The following KCNK5 variants were observed in gnomAD, a reference collection of about 807,000 sequenced individuals.
KCNK5 encodes potassium two pore domain channel subfamily K member 5.
KCNK5 carries 18 observed loss-of-function variants against 32.9 expected under a neutral mutation model. The ratio of observed to expected loss-of-function variants is 0.55; its 90% CI spans 0.38 to 0.81. The LOEUF (loss-of-function observed/expected upper bound fraction) is 0.81, where lower values mean the gene tolerates loss of function less well. Among genes scored for constraint, KCNK5 ranks in the 30% least tolerant of loss-of-function variants. The pLI is 0.00. For missense variants in KCNK5, 507 were observed against 651.0 expected (o/e 0.78, Z 2.41); for synonymous variants, 276 against 275.3 (o/e 1.00, Z -0.03).
In KCNK5 at chr6:39,229,012, C is replaced by G; in HGVS notation, c.100G>C (p.Ala34Pro). The G allele has an allele frequency of 6.2e-7, 1 of 1,614,176 alleles. No individual in the cohort carries two copies. Among genetic ancestry groups the G allele is most frequent in the South Asian group, 1.1e-5 (1 of 91,084 alleles). The change falls in exon 1 of 5, where the codon GCC becomes CCC. Residue 34 changes from alanine to proline, a missense_variant. Around this residue, in one of 6 missense-constraint regions of KCNK5, gnomAD observed 143 missense variants for 219.1 expected, o/e 0.65. Coordinates refer to ENST00000359534, the MANE Select transcript of KCNK5 (RefSeq NM_003740.4). ...EVLEEPHWKE[A>P]KKNYYTQKLH... The stretch of plus-strand genomic sequence containing the variant: ...TTCTGTGTGTAGTAGTTTTTCTTGG[C>G]CTCCTTCCAGTGTGGCTCCTCCAGC...
Position 39,229,239 on chromosome 6 carries a change from A to G in KCNK5, c.-128T>C, listed in dbSNP as rs1227363230. 8.6e-6 allele frequency: 8 copies of G among 931,390 alleles called. No homozygotes were observed. Among genetic ancestry groups the G allele is most frequent in the Non-Finnish European group, 1.3e-5 (8 of 632,184 alleles). 57.7% of individuals were successfully genotyped at this position (931,390 alleles called of 1,614,324 possible). A position where few individuals can be genotyped will look rare whatever the true frequency, so the allele number is the denominator to read the frequency against. ...TCCGCATGCGCAGTGCCCGGTACTC[A>G]CCCCCCGCAAGCACCGCTCCCCGGA... On this transcript the variant is annotated 5_prime_UTR_variant, in exon 1 of 5. Coordinates refer to ENST00000359534, the MANE Select transcript of KCNK5 (RefSeq NM_003740.4).
At chr6:39,198,296 A>G (rs1009333591) in intron 1 of KCNK5, among the ~76,000 whole-genome samples, 21 of 152,196 alleles carry the variant, frequency 1.4e-4, no homozygotes, top group African/African-American at 5.1e-4. Flanking sequence ...ATCATTATCA[A>G]CCCAGACTGA....
chr6:39,194,360 G>A lies in KCNK5; in HGVS notation c.466-23C>T. ...CCGCTGATGGGGAGCAGGAGGCCAA[G>A]TCAGAGAATAGTGGAGACTTGGAAA... On this transcript the variant is annotated intron_variant, in intron 3 of 4. Coordinates refer to ENST00000359534, the MANE Select transcript of KCNK5 (RefSeq NM_003740.4). The surrounding 1 kb of genome is among the most constrained non-coding windows in gnomAD (Gnocchi z 4.7). The A allele has an allele frequency of 6.3e-7, 1 of 1,583,024 alleles. No individual in the cohort carries two copies. Among genetic ancestry groups the A allele is most frequent in the Non-Finnish European group, 8.6e-7 (1 of 1,163,756 alleles).
Position 39,194,302 on chromosome 6 carries a change from G to T in KCNK5, c.501C>A (p.Ile167=). The T allele has an allele frequency of 6.2e-7, 1 of 1,613,392 alleles. No individual in the cohort carries two copies. The highest frequency in any genetic ancestry group is 8.5e-7 in the Non-Finnish European group (1 of 1,179,574). ...CCAGGTGGACTAGGACGCCCCACACGATGAAGATGACTGTGCACGTGATCT... is the reference window on the plus strand; with the variant it reads ...CCAGGTGGACTAGGACGCCCCACACTATGAAGATGACTGTGCACGTGATCT... The part of the protein sequence containing the change: ...KAQITCTVIF[I]VWGVLVHLVI... Residue 167 remains isoleucine (I), a synonymous_variant, in exon 4 of 5, where the codon ATC becomes ATA. Coordinates refer to ENST00000359534, the MANE Select transcript of KCNK5 (RefSeq NM_003740.4). This position sits in a 1 kb window ranked among gnomAD's most constrained non-coding sequence, Gnocchi z 4.7.
rs566603250 is a variant in KCNK5, at chr6:39,200,342, G to A, written c.187-4355C>T. Among the ~76,000 whole-genome samples the A allele has an allele frequency of 7.2e-5, 11 of 152,270 alleles. No homozygotes were observed. In the South Asian group the frequency reaches 1.5e-3, roughly 20 times the overall value. The stretch of plus-strand genomic sequence containing the variant: ...AGTAGAGTTCCCTGTCTCCATCACC[G>A]TCACCATAAAGCAGCTGTGATTTAC... On this transcript the variant is annotated intron_variant, in intron 1 of 4. Coordinates refer to ENST00000359534, the MANE Select transcript of KCNK5 (RefSeq NM_003740.4).
At position 39,195,769 on chromosome 6, in the gene KCNK5, T is replaced by C. The variant is rs779721078; in HGVS notation, c.298+107A>G. The C allele has an allele frequency of 1.2e-5, 8 of 690,620 alleles. No homozygotes were observed. In the East Asian group the frequency reaches 2.1e-4, roughly 18 times the overall value. 42.8% of individuals were successfully genotyped at this position (690,620 alleles called of 1,614,324 possible). A position where few individuals can be genotyped will look rare whatever the true frequency, so the allele number is the denominator to read the frequency against. The stretch of plus-strand genomic sequence containing the variant: ...TATCAAAAGAATAGCCTGCAACTGA[T>C]CTGATTGTACCCCCAACAGGGCTGA... On this transcript the variant is annotated intron_variant, in intron 2 of 4. Transcript: ENST00000359534.
At chr6:39,225,071 C>T (rs1771627027) in intron 1 of KCNK5, among the ~76,000 whole-genome samples, 1 of 152,000 alleles carries the variant, frequency 6.6e-6, no homozygotes. Flanking sequence ...CCTCCCTGAC[C>T]CCTCAGGCTG....
intron 1 of KCNK5, among the ~76,000 whole-genome samples, chr6:39,197,743 A>G (rs953836416): frequency 6.6e-6 from 1 of 152,242 alleles, no homozygotes; most frequent in Non-Finnish European, 1.5e-5. Flanking sequence ...CTCCTTTGGC[A>G]TCTACCTTTG....
chr6:39,216,549 G>A (rs2561398), intron 1 of KCNK5, among the ~76,000 whole-genome samples: 150,850 of 152,300 alleles, frequency 0.99, 74,727 homozygotes, highest in Middle Eastern at 1. Flanking sequence ...CTCTACTGCA[G>A]CTGCAGAGCT....
At chr6:39,206,566 C>T (rs752815311) in intron 1 of KCNK5, among the ~76,000 whole-genome samples, 17 of 152,192 alleles carry the variant, frequency 1.1e-4, no homozygotes, top group Non-Finnish European at 2.4e-4. Flanking sequence ...CGCCCAGCTG[C>T]CCCTCGCGTG....
chr6:39,194,286 C>T lies in KCNK5; in HGVS notation c.517G>A (p.Val173Ile). 6.2e-7 allele frequency: 1 copy of T among 1,613,942 alleles called. No homozygotes were observed. The highest frequency in any genetic ancestry group is 8.5e-7 in the Non-Finnish European group (1 of 1,179,926). Residue 173 changes from valine to isoleucine, a missense_variant, in exon 4 of 5, where the codon GTC becomes ATC. This residue lies in a region of KCNK5 where 22 missense variants were observed against 19.8 expected (regional missense o/e 1.11). Coordinates refer to ENST00000359534, the MANE Select transcript of KCNK5 (RefSeq NM_003740.4). The surrounding 1 kb of genome is among the most constrained non-coding windows in gnomAD (Gnocchi z 4.7). Reference sequence around the variant, plus strand: ...ACGAAGGGTGGGATCACCAGGTGGACTAGGACGCCCCACACGATGAAGATG... The same window carrying T: ...ACGAAGGGTGGGATCACCAGGTGGATTAGGACGCCCCACACGATGAAGATG... The part of the protein sequence containing the change: ...TVIFIVWGVL[V>I]HLVIPPFVFM...
At chr6:39,200,220 A>G (rs756076867) in intron 1 of KCNK5, among the ~76,000 whole-genome samples, 17 of 152,308 alleles carry the variant, frequency 1.1e-4, no homozygotes, top group South Asian at 8.3e-4. Flanking sequence ...TCCCAAATTC[A>G]CACGAGACAA....
intron 1 of KCNK5, among the ~76,000 whole-genome samples, chr6:39,221,172 G>A (rs1368265544): frequency 6.6e-6 from 1 of 152,156 alleles, no homozygotes; most frequent in African/African-American, 2.4e-5. Context: ...TGCTTCTACT[G>A]TGAGGTCGAG....
intron 4 of KCNK5, among the ~76,000 whole-genome samples, chr6:39,192,865 G>C (rs779346548): frequency 6.6e-6 from 1 of 152,120 alleles, no homozygotes; most frequent in Admixed American, 6.5e-5. Context: ...CTTACAGAAG[G>C]GACCTGGAGG....
At position 39,191,412 on chromosome 6, in the gene KCNK5, C is replaced by A. The variant is rs1379948473; in HGVS notation, c.978G>T (p.Gly326=). 1.3e-5 allele frequency: 21 copies of A among 1,613,296 alleles called. No individual in the cohort carries two copies. The highest frequency in any genetic ancestry group is 1.7e-5 in the Non-Finnish European group (20 of 1,180,004). ...GGAGCCCACCGCCTTGAGGCCCCAG[C>A]CCTGGGCCCGGGCCCGTCTCCCCAC... ...SGGGETGPGP[G]LGPQGGGLPA... The change falls in exon 5 of 5, where the codon GGG becomes GGT. Residue 326 remains glycine (G), a synonymous_variant. Transcript: ENST00000359534. The surrounding 1 kb of genome is among the most constrained non-coding windows in gnomAD (Gnocchi z 5.8).
chr6:39,190,770 C>A lies in KCNK5; in HGVS notation c.*120G>T. ...TGGAAGGTTAGGAAGGCCCCTGGCC[C>A]CCCACTCCCAGTTCCGAGGCTGCCC... On this transcript the variant is annotated 3_prime_UTR_variant, in exon 5 of 5. Coordinates refer to ENST00000359534, the MANE Select transcript of KCNK5 (RefSeq NM_003740.4). The A allele has an allele frequency of 9.8e-7, 1 of 1,019,506 alleles. No homozygotes were observed. Among genetic ancestry groups the A allele is most frequent in the East Asian group, 2.7e-5 (1 of 36,466 alleles). 63.2% of individuals were successfully genotyped at this position (1,019,506 alleles called of 1,614,324 possible).
chr6:39,191,615 G>T lies in KCNK5; in HGVS notation c.775C>A (p.Arg259=). ...AAGGACTCCTTCCGTCGCCGCCGCC[G>T]CTTCTTAATGGCTTTGTGGACTTCC... ...FVEVHKAIKK[R]RRRRKESFES... The change falls in exon 5 of 5, where the codon CGG becomes AGG. Residue 259 remains arginine (R), a synonymous_variant. Transcript: ENST00000359534. This position sits in a 1 kb window ranked among gnomAD's most constrained non-coding sequence, Gnocchi z 5.8. 1 of 1,613,976 alleles carries T rather than the reference G, an allele frequency of 6.2e-7. No individual in the cohort carries two copies. The highest frequency in any genetic ancestry group is 2.2e-5 in the East Asian group (1 of 44,860).
chr6:39,218,732 T>A (rs1771486833), intron 1 of KCNK5, among the ~76,000 whole-genome samples: 1 of 152,066 alleles, frequency 6.6e-6, no homozygotes, highest in African/African-American at 2.4e-5. Flanking sequence ...CTGCAAATAC[T>A]TCTGCTCCTT....
At chr6:39,204,847 G>A (rs1771195560) in intron 1 of KCNK5, among the ~76,000 whole-genome samples, 1 of 152,242 alleles carries the variant, frequency 6.6e-6, no homozygotes, top group African/African-American at 2.4e-5. Flanking sequence ...TCTCTCAGCA[G>A]TCTCTGCAGA....
Sources: gnomAD v4.1 joint callset for allele counts (sites outside exome capture counted in the v4.1 genomes callset) on GRCh38, gnomAD v4.1.1 for gene constraint, gnomAD v4.1.1 regional missense constraint, Gnocchi (gnomAD v3.1) non-coding constraint, MANE v1.5 for transcripts, NCBI Gene and HGNC (gene_info 2026-07-23, HGNC 2026-07-21) for gene names.